The following NUP160 variants were observed in gnomAD, a reference collection of about 807,000 sequenced individuals.
NUP160 encodes nucleoporin 160.
A neutral mutation model predicts 196.9 loss-of-function variants in NUP160; 94 were observed. The ratio of observed to expected loss-of-function variants is 0.48; its 90% CI spans 0.40 to 0.57. The LOEUF (loss-of-function observed/expected upper bound fraction) is 0.57, where lower values mean the gene tolerates loss of function less well. NUP160 is among the 20% of genes least tolerant of loss of function. The pLI is 0.00. For synonymous variants in NUP160, 605 were observed against 619.7 expected, an observed-to-expected ratio of 0.98 and a Z score of 0.35; for missense variants, 1,638 against 1,748.3, an observed-to-expected ratio of 0.94 and a Z score of 1.13.
rs1451035190 is a variant in NUP160 at position 47,782,296 on chromosome 11, AAAAAAAAATATATATATATATATATAT to A, written c.4116+750_4116+776del. Among the ~76,000 whole-genome samples the A allele has an allele frequency of 1.0e-3, 51 of 49,554 alleles. 1 individual carries two copies. The highest frequency in any genetic ancestry group is 1.7e-3 in the Non-Finnish European group (45 of 26,624). The allele number at this position is 49,554 out of a possible 152,430, so 32.5% of individuals were successfully genotyped here. On this transcript the variant is annotated intron_variant, in intron 34 of 35. Transcript: ENST00000378460. ...AACAGAGCAAAACTCAGTTAAAAAAAAAAAAAAATATATATATATATATATATATATATATATATATATATATATATA... is the reference window on the plus strand; with the variant it reads ...AACAGAGCAAAACTCAGTTAAAAAAAATATATATATATATATATATATATA...
intron 7 of NUP160, among the ~76,000 whole-genome samples, chr11:47,823,571 A>G (rs1302662822): frequency 6.6e-6 from 1 of 151,790 alleles, no homozygotes; most frequent in Non-Finnish European, 1.5e-5. Context: ...GCCTCGCTCT[A>G]TCGCCCAGGC....
At chr11:47,810,327 A>G (rs1032856684) in intron 17 of NUP160, among the ~76,000 whole-genome samples, 12 of 151,976 alleles carry the variant, frequency 7.9e-5, no homozygotes, top group Admixed American at 6.6e-4. Context: ...CCTCCCAAGT[A>G]GCAAGGACTA....
At chr11:47,831,015 T>C (rs1852063027) in intron 7 of NUP160, among the ~76,000 whole-genome samples, 2 of 151,952 alleles carry the variant, frequency 1.3e-5, no homozygotes, top group Non-Finnish European at 2.9e-5. Flanking sequence ...ACACAAAAAT[T>C]AGCCAGGCAT....
intron 25 of NUP160, 37 bp downstream of exon 25, chr11:47,798,131 G>A (rs2097671936): frequency 1.3e-6 from 2 of 1,552,886 alleles, no homozygotes; most frequent in Non-Finnish European, 1.8e-6. Context: ...AAACAGAGTT[G>A]GTAAATTGTC....
Position 47,779,264 on chromosome 11 carries a change from C to CT in NUP160, c.4222-71dup, listed in dbSNP as rs1599297985. On this transcript the variant is annotated intron_variant, in intron 35 of 35. Transcript: ENST00000378460. ...GGAAAAATATTGAAGTTATTAATAA[C>CT]TTTGACTTCACCAAGTAGATTCCAC... 3.0e-6 allele frequency: 3 copies of CT among 994,764 alleles called. No individual in the cohort carries two copies. The East Asian group carries it at 7.4e-5, about 24-fold the overall frequency. 61.6% of individuals were successfully genotyped at this position (994,764 alleles called of 1,614,324 possible). A position where few individuals can be genotyped will look rare whatever the true frequency, so the allele number is the denominator to read the frequency against.
Position 47,807,013 on chromosome 11 carries a change from TG to T in NUP160, c.2446+56del, listed in dbSNP as rs549370700. 1.2e-4 allele frequency: 152 copies of T among 1,285,942 alleles called. 3 individuals carry two copies. In the South Asian group the frequency reaches 1.4e-3, roughly 11 times the overall value. The allele number at this position is 1,285,942 out of a possible 1,614,324, so 79.7% of individuals were successfully genotyped here. A position where few individuals can be genotyped will look rare whatever the true frequency, so the allele number is the denominator to read the frequency against. Reference sequence around the variant, plus strand: ...CAAAGGTGGCAAAAGACCACTTTAATGAATATGCAATAAATCCCCAGTTTAA... The same window carrying T: ...CAAAGGTGGCAAAAGACCACTTTAATAATATGCAATAAATCCCCAGTTTAA... On this transcript the variant is annotated intron_variant, in intron 19 of 35. Transcript: ENST00000378460.
rs1309692811 is a variant in NUP160 at position 47,804,558 on chromosome 11, T to G, written c.2667A>C (p.Val889=). ...GTTCAAAGGAACTCACCTGCAATTG[T>G]ACATATTGGCAATTTCCCATCAAAC... Residue 889 remains valine (V), a synonymous_variant, in exon 21 of 36, where the codon GTA becomes GTC. Transcript: ENST00000378460. The G allele has an allele frequency of 5.2e-6, 8 of 1,537,134 alleles. No homozygotes were observed. The Middle Eastern group carries it at 6.8e-4, about 130-fold the overall frequency.
At chr11:47,781,201 C>T (rs975431034) in intron 34 of NUP160, among the ~76,000 whole-genome samples, 3 of 151,326 alleles carry the variant, frequency 2.0e-5, no homozygotes, top group South Asian at 2.1e-4. Context: ...CAAGCCTGGG[C>T]GACAGAGCGA....
chr11:47,805,169 G>A (rs1036178236), intron 20 of NUP160, among the ~76,000 whole-genome samples: 8 of 151,234 alleles, frequency 5.3e-5, no homozygotes, highest in Admixed American at 1.3e-4. Flanking sequence ...TCACTCTGTC[G>A]CCAGGGCTGG....
intron 7 of NUP160, among the ~76,000 whole-genome samples, chr11:47,829,371 T>A (rs1852032046): frequency 6.6e-6 from 1 of 152,196 alleles, no homozygotes; most frequent in African/African-American, 2.4e-5. Context: ...GATGGTGCGA[T>A]CCCGGCTCAC....
intron 27 of NUP160, among the ~76,000 whole-genome samples, chr11:47,794,765 TGTC>T (rs1288463037): frequency 6.6e-6 from 1 of 151,670 alleles, no homozygotes; most frequent in Admixed American, 6.6e-5. Context: ...CAAAAAAAAT[TGTC>T]GAGCGTGGTG....
chr11:47,841,459 A>C (rs1467547504), intron 2 of NUP160: 1 of 413,140 alleles, frequency 2.4e-6, no homozygotes, highest in African/African-American at 2.1e-5. Context: ...ATTTCTTTTT[A>C]ACAAGGTAGT....
At chr11:47,780,357 T>G (rs1412016109) in exon 35 of NUP160, 1 of 1,612,576 alleles carries the variant, frequency 6.2e-7, no homozygotes, top group Non-Finnish European at 8.5e-7. Flanking sequence ...ATGTTGTGAC[T>G]GTTGGCACTG....
chr11:47,819,900 G>C (rs1464842086), intron 9 of NUP160, among the ~76,000 whole-genome samples: 1 of 152,218 alleles, frequency 6.6e-6, no homozygotes, highest in South Asian at 2.1e-4. Flanking sequence ...GTGAGGCTGA[G>C]GGTATATCAC....
chr11:47,815,451 G>A, intron 13 of NUP160, 28 bp downstream of exon 13: 1 of 1,527,860 alleles, frequency 6.5e-7, no homozygotes, highest in South Asian at 1.3e-5. Context: ...GTCTCAAGAA[G>A]GTCTTCTCTA....
Position 47,835,639 on chromosome 11 carries a change from T to C in NUP160, c.1101+12A>G, listed in dbSNP as rs371661235. On this transcript the variant is annotated intron_variant, in intron 7 of 35. Coordinates refer to ENST00000378460, the Ensembl canonical transcript of NUP160. ...ACAGAATAACTTGGTATGTGTCTTATTTGTTTCATACCTGTCCTCGTTTTG... is the reference window on the plus strand; with the variant it reads ...ACAGAATAACTTGGTATGTGTCTTACTTGTTTCATACCTGTCCTCGTTTTG... The C allele has an allele frequency of 7.1e-6, 11 of 1,555,570 alleles. No individual in the cohort carries two copies. Among genetic ancestry groups the C allele is most frequent in the Admixed American group, 1.9e-5 (1 of 52,662 alleles).
At chr11:47,785,098 A>ATTATTTTTTTTTTTTT in intron 32 of NUP160, 35 bp from the exon 33 acceptor site, 2 of 1,137,366 alleles carry the variant, frequency 1.8e-6, no homozygotes, top group Non-Finnish European at 2.5e-6. Context: ...TGAGTTTCAG[A>ATTATTTTTTTTTTTTT]TTCTTAATAG....
chr11:47,809,028 G>A (rs1477895970), intron 17 of NUP160, among the ~76,000 whole-genome samples: 1 of 151,958 alleles, frequency 6.6e-6, no homozygotes, highest in South Asian at 2.1e-4. Context: ...TTGAACCCAG[G>A]AGGCGGATGT....
At chr11:47,816,781 G>GAA (rs11347850) in intron 11 of NUP160, among the ~76,000 whole-genome samples, 1 of 140,870 alleles carries the variant, frequency 7.1e-6, no homozygotes, top group Non-Finnish European at 1.5e-5. Flanking sequence ...GCCTCAAAGG[G>GAA]AAAAAAAAAA....
Sources: gnomAD v4.1 joint callset for allele counts (sites outside exome capture counted in the v4.1 genomes callset) on GRCh38, gnomAD v4.1.1 for gene constraint, MANE v1.5 for transcripts, NCBI Gene and HGNC (gene_info 2026-07-23, HGNC 2026-07-21) for gene names.